COX8A: variants seen among roughly 807,000 people sequenced by gnomAD.
COX8A encodes the protein cytochrome c oxidase subunit 8A, also known as cytochrome c oxidase subunit 8A, mitochondrial.
In COX8A, 6 loss-of-function variants were observed where a neutral mutation model predicts 4.4. That is an observed-to-expected ratio of 1.36 (90% CI 0.74 to 2.68). The LOEUF (loss-of-function observed/expected upper bound fraction) is 2.68, where lower values mean the gene tolerates loss of function less well. Ranked by LOEUF, COX8A falls within the 30% of genes most tolerant of loss-of-function variation. COX8A has a pLI of 0.00. For missense variants in COX8A, 72 were observed against 89.6 expected (o/e 0.80, Z 0.79); for synonymous variants, 53 against 47.1 (o/e 1.12, Z -0.51).
Position 63,976,404 on chromosome 11 carries a change from T to C in COX8A, c.*84T>C. On this transcript the variant is annotated 3_prime_UTR_variant, in exon 2 of 2. Transcript: ENST00000314133. ...CATGTTACTGCATTTGTGGCCGGCC[T>C]CCCCTGGATCATGTCATTCAATTCC... 2 of 1,225,078 alleles carry C rather than the reference T, an allele frequency of 1.6e-6. No individual in the cohort carries two copies. The highest frequency in any genetic ancestry group is 1.2e-6 in the Non-Finnish European group (1 of 832,354). 75.9% of individuals were successfully genotyped at this position (1,225,078 alleles called of 1,614,324 possible). A position where few individuals can be genotyped will look rare whatever the true frequency, so the allele number is the denominator to read the frequency against.
At position 63,974,763 on chromosome 11, in the gene COX8A, C is replaced by T. The variant is rs780158354; in HGVS notation, c.83C>T (p.Ser28Leu). 1.9e-6 allele frequency: 3 copies of T among 1,608,034 alleles called. No individual in the cohort carries two copies. Among genetic ancestry groups the T allele is most frequent in the East Asian group, 2.2e-5 (1 of 44,708 alleles). Reference protein sequence around the residue: ...RLPVPRAKIHSLPPEGKLGIM... With the variant: ...RLPVPRAKIHLLPPEGKLGIM... ...CCAGTGCCGCGCGCCAAGATCCATTCGTTGCCGCCGGAGGGGAAGCTTGGG... is the reference window on the plus strand; with the variant it reads ...CCAGTGCCGCGCGCCAAGATCCATTTGTTGCCGCCGGAGGGGAAGCTTGGG... The change falls in exon 1 of 2, where the codon TCG becomes TTG. Residue 28 changes from serine to leucine, a missense_variant. Coordinates refer to ENST00000314133, the MANE Select transcript of COX8A (RefSeq NM_004074.3).
intron 1 of COX8A, among the ~76,000 whole-genome samples, chr11:63,975,799 C>G (rs1441024119): frequency 6.6e-6 from 1 of 152,114 alleles, no homozygotes; most frequent in Admixed American, 6.6e-5. Context: ...TCAGGCTGGT[C>G]TCTAACTCCT....
At chr11:63,976,195 G>C (rs772970699) in intron 1 of COX8A, 30 bp from the exon 2 acceptor site, 2 of 1,598,734 alleles carry the variant, frequency 1.3e-6, no homozygotes, top group South Asian at 1.1e-5. Context: ...TACTGACTCC[G>C]AGGTGCCTTC....
chr11:63,974,665 T>G lies in COX8A; in HGVS notation c.-16T>G. ...GGCTACGGCTGACCGTTTTTTGTGG[T>G]GTACTCCGTGCCATCATGTCCGTCC... On this transcript the variant is annotated 5_prime_UTR_variant, in exon 1 of 2. Coordinates refer to ENST00000314133, the MANE Select transcript of COX8A (RefSeq NM_004074.3). 6.3e-7 allele frequency: 1 copy of G among 1,593,074 alleles called. No individual in the cohort carries two copies. Among genetic ancestry groups the G allele is most frequent in the East Asian group, 2.3e-5 (1 of 44,052 alleles).
intron 1 of COX8A, among the ~76,000 whole-genome samples, chr11:63,975,832 G>C (rs1047381610): frequency 6.6e-6 from 1 of 151,458 alleles, no homozygotes; most frequent in African/African-American, 2.4e-5. Flanking sequence ...CGCCCGCCTT[G>C]GCCTCCCAAA....
rs1295354556 is a variant in COX8A, at chr11:63,974,745, C to T, written c.65C>T (p.Pro22Leu). Residue 22 changes from proline (P) to leucine (L), a missense_variant, in exon 1 of 2, where the codon CCG becomes CTG. Coordinates refer to ENST00000314133, the MANE Select transcript of COX8A (RefSeq NM_004074.3). ...GGCTCGGCCCGGCGGCTCCCAGTGC[C>T]GCGCGCCAAGATCCATTCGTTGCCG... ...LTGSARRLPV[P>L]RAKIHSLPPE... is the part of the protein sequence containing the mutation. The T allele has an allele frequency of 1.9e-6, 3 of 1,608,064 alleles. No individual in the cohort carries two copies. Among genetic ancestry groups the T allele is most frequent in the African/African-American group, 1.3e-5 (1 of 74,858 alleles).
At chr11:63,975,877 G>A (rs780533677) in intron 1 of COX8A, among the ~76,000 whole-genome samples, 1 of 152,158 alleles carries the variant, frequency 6.6e-6, no homozygotes, top group Non-Finnish European at 1.5e-5. Context: ...ACCATGCCCG[G>A]CCCAGACCAG....
chr11:63,975,874 C>T (rs1290197162), intron 1 of COX8A, among the ~76,000 whole-genome samples: 1 of 152,224 alleles, frequency 6.6e-6, no homozygotes, highest in African/African-American at 2.4e-5. Context: ...GCCACCATGC[C>T]CGGCCCAGAC....
At chr11:63,976,163 G>A (rs921838671) in intron 1 of COX8A, 62 bp from the exon 2 acceptor site, 16 of 1,502,374 alleles carry the variant, frequency 1.1e-5, no homozygotes, top group African/African-American at 2.8e-5. Flanking sequence ...GGAACTGCAA[G>A]GACTTAGAGA....
intron 1 of COX8A, 129 bp from the exon 2 acceptor site, chr11:63,976,096 G>A (rs1311917024): frequency 1.4e-5 from 11 of 808,364 alleles, no homozygotes; most frequent in Admixed American, 3.6e-5. Flanking sequence ...GTGAGGATGC[G>A]GGGCCTCCCA....
rs1942539491 is a variant in COX8A, at chr11:63,976,256, T to G, written c.146T>G (p.Val49Gly). ...GCCGTTGGGCTTACCTCCTGCTTCG[T>G]GACCTTCCTCCTGCCAGCGGGCTGG... ...ELAVGLTSCF[V>G]TFLLPAGWIL... Residue 49 changes from valine (V) to glycine (G), a missense_variant, in exon 2 of 2, where the codon GTG (valine) becomes GGG (glycine). Val to Gly is a moderately radical substitution (Grantham distance 109). Transcript: ENST00000314133. 6.2e-7 allele frequency: 1 copy of G among 1,614,082 alleles called. No homozygotes were observed. The highest frequency in any genetic ancestry group is 1.7e-5 in the Admixed American group (1 of 60,006).
rs1249003276 is a variant in COX8A at position 63,974,710 on chromosome 11, G to C, written c.30G>C (p.Arg10=). 6.2e-7 allele frequency: 1 copy of C among 1,610,276 alleles called. No individual in the cohort carries two copies. Among genetic ancestry groups the C allele is most frequent in the Non-Finnish European group, 8.5e-7 (1 of 1,178,514 alleles). ...CCGTCCTGACGCCGCTGCTGCTGCG[G>C]GGCTTGACAGGCTCGGCCCGGCGGC... MSVLTPLLL[R]GLTGSARRLP... Residue 10 remains arginine, a synonymous_variant, in exon 1 of 2, where the codon CGG becomes CGC. Coordinates refer to ENST00000314133, the MANE Select transcript of COX8A (RefSeq NM_004074.3).
intron 1 of COX8A, among the ~76,000 whole-genome samples, chr11:63,975,695 C>T (rs1266008175): frequency 6.6e-6 from 1 of 152,076 alleles, no homozygotes; most frequent in Non-Finnish European, 1.5e-5. Flanking sequence ...ATTCTCCTGC[C>T]TCAGTCTCCC....
At chr11:63,975,015 G>T (rs1354894721) in intron 1 of COX8A, among the ~76,000 whole-genome samples, 1 of 152,090 alleles carries the variant, frequency 6.6e-6, no homozygotes, top group East Asian at 1.9e-4. Flanking sequence ...AGGATCTCGG[G>T]TCTGGTCCTG....
Position 63,974,620 on chromosome 11 carries a change from AT to A in COX8A, c.-57del. 6.6e-7 allele frequency: 1 copy of A among 1,503,796 alleles called. No homozygotes were observed. Among genetic ancestry groups the A allele is most frequent in the Non-Finnish European group, 9.1e-7 (1 of 1,102,716 alleles). 93.2% of individuals were successfully genotyped at this position (1,503,796 alleles called of 1,614,324 possible). On this transcript the variant is annotated 5_prime_UTR_variant, in exon 1 of 2. Transcript: ENST00000314133. ...TCCAGAACTTCCGGCCAGCGCAGCC[AT>A]TTTGGCTTCCTGACCTTGGGCTACG...
intron 1 of COX8A, among the ~76,000 whole-genome samples, chr11:63,975,456 C>G (rs1942531941): frequency 6.6e-6 from 1 of 151,762 alleles, no homozygotes; most frequent in Non-Finnish European, 1.5e-5. Flanking sequence ...GGATTACAGG[C>G]GTGAGCCACT....
Position 63,976,284 on chromosome 11 carries a change from C to T in COX8A, c.174C>T (p.Ile58=). ...FVTFLLPAGW[I]LSHLETYRRP... is the part of the protein sequence containing the mutation. ...CCTTCCTCCTGCCAGCGGGCTGGATCCTGTCACACCTGGAGACCTACAGGA... is the reference window on the plus strand; with the variant it reads ...CCTTCCTCCTGCCAGCGGGCTGGATTCTGTCACACCTGGAGACCTACAGGA... Residue 58 remains isoleucine, a synonymous_variant, in exon 2 of 2, where the codon ATC becomes ATT. Coordinates refer to ENST00000314133, the MANE Select transcript of COX8A (RefSeq NM_004074.3). 6.2e-7 allele frequency: 1 copy of T among 1,614,162 alleles called. No individual in the cohort carries two copies. The highest frequency in any genetic ancestry group is 1.1e-5 in the South Asian group (1 of 91,088).
chr11:63,976,233 C>T lies in COX8A; in HGVS notation c.123C>T (p.Ala41=), dbSNP rs1388818584. ...PEGKLGIMEL[A]VGLTSCFVTF... is the part of the protein sequence containing the mutation. ...TCTTGTGCTCTGTGTAGGAATTGGC[C>T]GTTGGGCTTACCTCCTGCTTCGTGA... The change falls in exon 2 of 2, where the codon GCC becomes GCT. Residue 41 remains alanine (A), a synonymous_variant. Transcript: ENST00000314133. The T allele has an allele frequency of 3.7e-6, 6 of 1,613,990 alleles. No homozygotes were observed. The African/African-American group carries it at 4.0e-5, about 11-fold the overall frequency.
In COX8A at chr11:63,975,870, A is replaced by G. The variant is rs57784185; in HGVS notation, c.115-355A>G. Among the ~76,000 whole-genome samples the G allele has an allele frequency of 2.4e-3, 368 of 152,244 alleles. 2 individuals carry two copies. Among genetic ancestry groups the G allele is most frequent in the African/African-American group, 8.2e-3 (340 of 41,556 alleles). On this transcript the variant is annotated intron_variant, in intron 1 of 1. Transcript: ENST00000314133. ...GCTGGGATTACAGGTGTGAGCCACC[A>G]TGCCCGGCCCAGACCAGCTTTAAAA...
Sources: allele counts gnomAD v4.1 joint callset (sites outside exome capture counted in the v4.1 genomes callset), GRCh38; gene constraint gnomAD v4.1.1; transcripts MANE v1.5; gene names NCBI Gene and HGNC (gene_info 2026-07-23, HGNC 2026-07-21).